The following OR2M4 variants were observed in gnomAD, a reference collection of about 807,000 sequenced individuals.
OR2M4 encodes the protein olfactory receptor family 2 subfamily M member 4, also known as olfactory receptor 2M4.
OR2M4 carries 8 observed loss-of-function variants against 13.7 expected under a neutral mutation model. That is an observed-to-expected ratio of 0.58 (90% CI 0.34 to 1.05). The LOEUF (loss-of-function observed/expected upper bound fraction) is 1.05. Among genes scored for constraint, OR2M4 ranks in the 50% least tolerant of loss-of-function variants. OR2M4 has a pLI of 0.02. For synonymous variants in OR2M4, 152 were observed against 141.3 expected (o/e 1.08, Z -0.53); for missense variants, 374 against 381.6 (o/e 0.98, Z 0.17).
chr1:248,244,514 AACAATAGAC>A lies in OR2M4; in HGVS notation c.*4653_*4661del, dbSNP rs1158050070. The A allele has an allele frequency of 1.3e-5, 2 of 152,212 alleles. No individual in the cohort carries two copies. Among genetic ancestry groups the A allele is most frequent in the Non-Finnish European group, 2.9e-5 (2 of 68,044 alleles). 9.4% of individuals were successfully genotyped at this position (152,212 alleles called of 1,614,324 possible). A position where few individuals can be genotyped will look rare whatever the true frequency, so the allele number is the denominator to read the frequency against. ...GGGTACTCAAGGATGTAAAGATGGAAACAATAGACACTGTGGACTACCAAATGGGGAAGG... is the reference window on the plus strand; with the variant it reads ...GGGTACTCAAGGATGTAAAGATGGAAACTGTGGACTACCAAATGGGGAAGG... On this transcript the variant is annotated 3_prime_UTR_variant, in exon 2 of 2. Coordinates refer to ENST00000641868, the MANE Select transcript of OR2M4 (RefSeq NM_017504.2).
rs1256387559 is a variant in OR2M4 at position 248,239,148 on chromosome 1, A to G, written c.220A>G (p.Ile74Val). The G allele has an allele frequency of 6.2e-7, 1 of 1,614,010 alleles. No individual in the cohort carries two copies. Among genetic ancestry groups the G allele is most frequent in the Admixed American group, 1.7e-5 (1 of 60,012 alleles). Residue 74 changes from isoleucine (I) to valine (V), a missense_variant, in exon 2 of 2, where the codon ATC (isoleucine) becomes GTC (valine). Physicochemically the swap from Ile to Val is conservative, Grantham distance 29. Coordinates refer to ENST00000641868, the MANE Select transcript of OR2M4 (RefSeq NM_017504.2). ...SQLSLMDLML[I>V]CTTLPKMIFS... ...ACTGTCCCTTATGGACCTCATGCTCATCTGCACCACTCTACCCAAGATGAT... is the reference window on the plus strand; with the variant it reads ...ACTGTCCCTTATGGACCTCATGCTCGTCTGCACCACTCTACCCAAGATGAT...
Position 248,242,569 on chromosome 1 carries a change from A to G in OR2M4, c.*2705A>G, listed in dbSNP as rs1666628907. On this transcript the variant is annotated 3_prime_UTR_variant, in exon 2 of 2. Coordinates refer to ENST00000641868, the MANE Select transcript of OR2M4 (RefSeq NM_017504.2). ...CACAGCACCCAGCCCCGAGTTTTAC[A>G]AAGATTTACTGTACTTTCACTCCCA... The G allele has an allele frequency of 6.6e-6, 1 of 152,144 alleles. No homozygotes were observed. The highest frequency in any genetic ancestry group is 1.5e-5 in the Non-Finnish European group (1 of 68,034). 9.4% of individuals were successfully genotyped at this position (152,144 alleles called of 1,614,324 possible). A position where few individuals can be genotyped will look rare whatever the true frequency, so the allele number is the denominator to read the frequency against.
At chr1:248,233,593 C>CA (rs1038703711) in intron 1 of OR2M4, among the ~76,000 whole-genome samples, 9 of 151,470 alleles carry the variant, frequency 5.9e-5, no homozygotes, top group South Asian at 2.1e-4. Context: ...TAGTCAGTAT[C>CA]AAAAAAAATT....
At chr1:248,237,457 G>A (rs924898861) in intron 1 of OR2M4, among the ~76,000 whole-genome samples, 1 of 151,876 alleles carries the variant, frequency 6.6e-6, no homozygotes. Context: ...AGTTTGAGAT[G>A]AGCCTGACCA....
chr1:248,234,237 A>G (rs1249075748), intron 1 of OR2M4, among the ~76,000 whole-genome samples: 1 of 151,972 alleles, frequency 6.6e-6, no homozygotes, highest in East Asian at 1.9e-4. Flanking sequence ...CCACACAACT[A>G]CATCCTGAGT....
rs1460150143 is a variant in OR2M4 at position 248,243,693 on chromosome 1, T to G, written c.*3829T>G. ...TCCCAAAAACATTTGCAACAAAAATTGACAAGCTAGACCTAATTAAAGAGC... is the reference window on the plus strand; with the variant it reads ...TCCCAAAAACATTTGCAACAAAAATGGACAAGCTAGACCTAATTAAAGAGC... On this transcript the variant is annotated 3_prime_UTR_variant, in exon 2 of 2. Coordinates refer to ENST00000641868, the MANE Select transcript of OR2M4 (RefSeq NM_017504.2). The G allele has an allele frequency of 6.6e-6, 1 of 152,168 alleles. No homozygotes were observed. Among genetic ancestry groups the G allele is most frequent in the East Asian group, 1.9e-4 (1 of 5,204 alleles). 9.4% of individuals were successfully genotyped at this position (152,168 alleles called of 1,614,324 possible). A position where few individuals can be genotyped will look rare whatever the true frequency, so the allele number is the denominator to read the frequency against.
chr1:248,231,847 T>C (rs1031265045), intron 1 of OR2M4, among the ~76,000 whole-genome samples: 6 of 152,082 alleles, frequency 3.9e-5, no homozygotes, highest in African/African-American at 1.2e-4. Flanking sequence ...ATACTAAAAA[T>C]GAAGGAAAAG....
Position 248,242,064 on chromosome 1 carries a change from A to T in OR2M4, c.*2200A>T, listed in dbSNP as rs1028329263. 1.3e-5 allele frequency: 2 copies of T among 152,184 alleles called. No homozygotes were observed. The highest frequency in any genetic ancestry group is 2.9e-5 in the Non-Finnish European group (2 of 68,034). 9.4% of individuals were successfully genotyped at this position (152,184 alleles called of 1,614,324 possible). On this transcript the variant is annotated 3_prime_UTR_variant, in exon 2 of 2. Coordinates refer to ENST00000641868, the MANE Select transcript of OR2M4 (RefSeq NM_017504.2). The stretch of plus-strand genomic sequence containing the variant: ...TTTATGATACACACTGGAAATGTTT[A>T]TGCTCAGTTTTTGGAAGCAGAATAT...
rs959613668 is a variant in OR2M4 at position 248,241,276 on chromosome 1, G to T, written c.*1412G>T. ...GGAGAGGACTTTGTCTCACATCTTG[G>T]ATACCAGTTTAGCCACAGCAAGAAA... On this transcript the variant is annotated 3_prime_UTR_variant, in exon 2 of 2. Coordinates refer to ENST00000641868, the MANE Select transcript of OR2M4 (RefSeq NM_017504.2). 1.3e-5 allele frequency: 2 copies of T among 152,266 alleles called. No individual in the cohort carries two copies. The highest frequency in any genetic ancestry group is 6.5e-5 in the Admixed American group (1 of 15,290). The allele number at this position is 152,266 out of a possible 1,614,324, so 9.4% of individuals were successfully genotyped here.
rs148635701 is a variant in OR2M4, at chr1:248,239,752, C to T, written c.824C>T (p.Ser275Leu). The T allele has an allele frequency of 4.4e-5, 71 of 1,614,014 alleles. No homozygotes were observed. In the African/African-American group the frequency reaches 6.9e-4, roughly 16 times the overall value. The change falls in exon 2 of 2, where the codon TCG becomes TTG. Residue 275 changes from serine to leucine, a missense_variant. Coordinates refer to ENST00000641868, the MANE Select transcript of OR2M4 (RefSeq NM_017504.2). Reference protein sequence around the residue: ...KHTPDQDKMVSAFYTILTPML... With the variant: ...KHTPDQDKMVLAFYTILTPML... Reference sequence around the variant, plus strand: ...ACGCCAGACCAGGACAAGATGGTGTCGGCCTTCTACACTATTCTCACCCCT... The same window carrying T: ...ACGCCAGACCAGGACAAGATGGTGTTGGCCTTCTACACTATTCTCACCCCT...
In OR2M4 at chr1:248,239,983, T is replaced by A; in HGVS notation, c.*119T>A. 1 of 655,740 alleles carries A rather than the reference T, an allele frequency of 1.5e-6. No individual in the cohort carries two copies. The highest frequency in any genetic ancestry group is 2.5e-6 in the Non-Finnish European group (1 of 394,184). The allele number at this position is 655,740 out of a possible 1,614,324, so 40.6% of individuals were successfully genotyped here. ...TTGTATTAATATTTTCCACTTCTTT[T>A]CAAAATTATCTATTCAGTATATTAT... On this transcript the variant is annotated 3_prime_UTR_variant, in exon 2 of 2. Coordinates refer to ENST00000641868, the MANE Select transcript of OR2M4 (RefSeq NM_017504.2).
In OR2M4 at chr1:248,239,305, T is replaced by C. The variant is rs1283880630; in HGVS notation, c.377T>C (p.Ile126Thr). Reference protein sequence around the residue: ...AVMAYDRYVAICHPLQYTILM... With the variant: ...AVMAYDRYVATCHPLQYTILM... ...ATGGCTTATGACCGCTATGTGGCTA[T>C]ATGTCACCCTCTTCAGTACACCATC... Residue 126 changes from isoleucine (I) to threonine (T), a missense_variant, in exon 2 of 2, where the codon ATA becomes ACA. Ile to Thr is a moderately conservative substitution (Grantham distance 89, BLOSUM62 -1). Coordinates refer to ENST00000641868, the MANE Select transcript of OR2M4 (RefSeq NM_017504.2). 1.2e-6 allele frequency: 2 copies of C among 1,613,996 alleles called. No individual in the cohort carries two copies. The highest frequency in any genetic ancestry group is 1.7e-6 in the Non-Finnish European group (2 of 1,180,026).
chr1:248,237,134 C>T (rs1558261277), intron 1 of OR2M4, among the ~76,000 whole-genome samples: 1 of 152,132 alleles, frequency 6.6e-6, no homozygotes, highest in Non-Finnish European at 1.5e-5. Flanking sequence ...GGCCAATATC[C>T]CTGGTAAATA....
rs192722087 is a variant in OR2M4 at position 248,235,716 on chromosome 1, A to G, written c.-19-3194A>G. ...AGTTCTCTTTGAAGGGGCCCTTCAC[A>G]TCCCTTGTTAGCTGTATTCCTAGGT... On this transcript the variant is annotated intron_variant, in intron 1 of 1. Transcript: ENST00000641868. Among the ~76,000 whole-genome samples, 709 of 152,216 alleles carry G rather than the reference A, an allele frequency of 4.7e-3. 8 individuals are homozygous for G. Among genetic ancestry groups the G allele is most frequent in the Admixed American group, 0.012 (191 of 15,282 alleles).
In OR2M4 at chr1:248,239,013, T is replaced by A. The variant is rs998146422; in HGVS notation, c.85T>A (p.Ser29Thr). 16 of 1,613,956 alleles carry A rather than the reference T, an allele frequency of 9.9e-6. No homozygotes were observed. The highest frequency in any genetic ancestry group is 2.2e-5 in the East Asian group (1 of 44,898). ...NHSPTHTFLF[S>T]LVLGIFSLAL... ...CAGTCCCACCCACACCTTCCTTTTT[T>A]CTCTGGTCCTGGGCATCTTCTCACT... Residue 29 changes from serine (S) to threonine (T), a missense_variant, in exon 2 of 2, where the codon TCT (serine) becomes ACT (threonine). By Grantham distance (58) the Ser-to-Thr change is moderately conservative. Coordinates refer to ENST00000641868, the MANE Select transcript of OR2M4 (RefSeq NM_017504.2).
rs1345266936 is a variant in OR2M4, at chr1:248,242,045, A to G, written c.*2181A>G. The G allele has an allele frequency of 6.6e-6, 1 of 152,218 alleles. No individual in the cohort carries two copies. Among genetic ancestry groups the G allele is most frequent in the Non-Finnish European group, 1.5e-5 (1 of 68,038 alleles). The allele number at this position is 152,218 out of a possible 1,614,324, so 9.4% of individuals were successfully genotyped here. A position where few individuals can be genotyped will look rare whatever the true frequency, so the allele number is the denominator to read the frequency against. On this transcript the variant is annotated 3_prime_UTR_variant, in exon 2 of 2. Transcript: ENST00000641868. Reference sequence around the variant, plus strand: ...CCTATGTGTTTCATTCCACTTTATGATACACACTGGAAATGTTTATGCTCA... The same window carrying G: ...CCTATGTGTTTCATTCCACTTTATGGTACACACTGGAAATGTTTATGCTCA...
intron 1 of OR2M4, among the ~76,000 whole-genome samples, chr1:248,238,099 T>C (rs1349610853): frequency 2.6e-5 from 4 of 152,174 alleles, no homozygotes; most frequent in Non-Finnish European, 5.9e-5. Flanking sequence ...AATATATGTT[T>C]TGAAATGTCA....
chr1:248,240,020 C>T lies in OR2M4; in HGVS notation c.*156C>T, dbSNP rs1009639808. 2.1e-5 allele frequency: 11 copies of T among 534,338 alleles called. No individual in the cohort carries two copies. Among genetic ancestry groups the T allele is most frequent in the Non-Finnish European group, 3.2e-5 (10 of 309,390 alleles). The allele number at this position is 534,338 out of a possible 1,614,324, so 33.1% of individuals were successfully genotyped here. ...ATTCAGTATATTATTACATATACAT[C>T]GTTTGTATACTAAGCTAGATTTGGA... On this transcript the variant is annotated 3_prime_UTR_variant, in exon 2 of 2. Transcript: ENST00000641868.
intron 1 of OR2M4, among the ~76,000 whole-genome samples, chr1:248,236,431 G>C (rs886719176): frequency 6.6e-5 from 10 of 152,008 alleles, no homozygotes; most frequent in Admixed American, 1.3e-4. Context: ...GGGAAACTTA[G>C]AGCACTAAAT....
Sources: allele counts gnomAD v4.1 joint callset (sites outside exome capture counted in the v4.1 genomes callset), GRCh38; gene constraint gnomAD v4.1.1; transcripts MANE v1.5; gene names NCBI Gene and HGNC (gene_info 2026-07-23, HGNC 2026-07-21).